SDK1: variants seen among roughly 807,000 people sequenced by gnomAD.
SDK1 encodes protein sidekick-1.
SDK1 carries 157 observed loss-of-function variants against 245.5 expected under a neutral mutation model. The ratio of observed to expected loss-of-function variants is 0.64; its 90% CI spans 0.56 to 0.73. The LOEUF (loss-of-function observed/expected upper bound fraction) is 0.73. SDK1 is among the 30% of genes least tolerant of loss of function. The pLI is 0.00. For synonymous variants in SDK1, 1,647 were observed against 1,278.5 expected, an observed-to-expected ratio of 1.29 and a Z score of -6.15; for missense variants, 3,583 against 3,002.3, an observed-to-expected ratio of 1.19 and a Z score of -4.52.
At chr7:4,003,925 A>T (rs1259374633) in intron 14 of SDK1, among the ~76,000 whole-genome samples, 1 of 152,174 alleles carries the variant, frequency 6.6e-6, no homozygotes, top group Non-Finnish European at 1.5e-5. Flanking sequence ...CTTCTCCTTC[A>T]TCTCTGTGAC....
At chr7:3,358,429 G>GTT (rs10713399) in intron 1 of SDK1, among the ~76,000 whole-genome samples, 11 of 146,022 alleles carry the variant, frequency 7.5e-5, no homozygotes, top group South Asian at 6.5e-4. Context: ...TCATTACAAC[G>GTT]TTTTTTTTTT....
chr7:4,245,760 G>A lies in SDK1; in HGVS notation c.6336G>A (p.Glu2112=), dbSNP rs1786811631. 7 of 1,613,994 alleles carry A rather than the reference G, an allele frequency of 4.3e-6. No individual in the cohort carries two copies. The highest frequency in any genetic ancestry group is 5.1e-6 in the Non-Finnish European group (6 of 1,179,974). ...CNKYNGAVLT[E]SVSLKEKSAD... ...AGTACAACGGCGCCGTGCTGACCGA[G>A]AGCGTGAGCCTCAAGGAGAAGTCGG... Residue 2112 remains glutamate (E), a synonymous_variant, in exon 44 of 45, where the codon GAG becomes GAA. Transcript: ENST00000404826.
chr7:3,538,863 G>A (rs1186133698), intron 1 of SDK1, among the ~76,000 whole-genome samples: 1 of 152,176 alleles, frequency 6.6e-6, no homozygotes, highest in Admixed American at 6.5e-5. Context: ...TGTTCCAAAA[G>A]CACACTTATG....
intron 1 of SDK1, among the ~76,000 whole-genome samples, chr7:3,362,770 TA>T (rs931642468): frequency 5.0e-4 from 76 of 152,332 alleles, no homozygotes; most frequent in African/African-American, 1.8e-3. Flanking sequence ...ATGTACCATG[TA>T]AAAGGTACTT....
In SDK1 at chr7:3,737,231, G is replaced by A. The variant is rs190399603; in HGVS notation, c.714-84219G>A. 1.4e-4 allele frequency among the ~76,000 whole-genome samples: 21 copies of A among 152,348 alleles called. No homozygotes were observed. In the East Asian group the frequency reaches 2.3e-3, roughly 17 times the overall value. ...GCAGGGCCATAGGCTGGGCTCCGCA[G>A]TTGGACCGGACTGCTGTCTGGGCTC... On this transcript the variant is annotated intron_variant, in intron 4 of 44. Coordinates refer to ENST00000404826, the MANE Select transcript of SDK1 (RefSeq NM_152744.4).
intron 1 of SDK1, among the ~76,000 whole-genome samples, chr7:3,409,125 C>G (rs755129002): frequency 2.0e-4 from 31 of 152,102 alleles, no homozygotes; most frequent in Non-Finnish European, 3.4e-4. Flanking sequence ...GAGATAAAAA[C>G]AAAACCAGAT....
intron 1 of SDK1, among the ~76,000 whole-genome samples, chr7:3,556,358 A>G (rs35737398): frequency 0.065 from 9,907 of 152,224 alleles, 437 homozygotes; most frequent in East Asian, 0.19. Flanking sequence ...AAGTAAAACA[A>G]TTGAACTCAT....
intron 1 of SDK1, among the ~76,000 whole-genome samples, chr7:3,310,078 G>A (rs76005647): frequency 0.022 from 3,368 of 152,242 alleles, 138 homozygotes; most frequent in African/African-American, 0.076. Context: ...AAGCTCCCGG[G>A]TACTGTCCTT....
rs146825510 is a variant in SDK1 at position 4,235,686 on chromosome 7, G to A, written c.5993-1961G>A. 1.2e-4 allele frequency among the ~76,000 whole-genome samples: 19 copies of A among 152,300 alleles called. No homozygotes were observed. In the East Asian group the frequency reaches 1.5e-3, roughly 12 times the overall value. On this transcript the variant is annotated intron_variant, in intron 41 of 44. Coordinates refer to ENST00000404826, the MANE Select transcript of SDK1 (RefSeq NM_152744.4). Reference sequence around the variant, plus strand: ...TGCACAGAAAGCCGGTTCCTCATGCGGAACGTGCACTTTGACCCCACTTCC... The same window carrying A: ...TGCACAGAAAGCCGGTTCCTCATGCAGAACGTGCACTTTGACCCCACTTCC...
chr7:3,445,252 T>A (rs10215256), intron 1 of SDK1, among the ~76,000 whole-genome samples: 1 of 151,890 alleles, frequency 6.6e-6, no homozygotes, highest in African/African-American at 2.4e-5. Flanking sequence ...ATAAAACTTA[T>A]ATGCATTTGG....
Position 3,301,279 on chromosome 7 carries a change from G to C in SDK1, c.-308G>C, listed in dbSNP as rs1779242297. On this transcript the variant is annotated 5_prime_UTR_variant, in exon 1 of 45. Transcript: ENST00000404826. ...ACTTTCTTCTCAGCGCCGGGCGGGGGCGGCGGCGGCGGCGGCTCCTCCGCG... is the reference window on the plus strand; with the variant it reads ...ACTTTCTTCTCAGCGCCGGGCGGGGCCGGCGGCGGCGGCGGCTCCTCCGCG... Among the ~76,000 whole-genome samples, 1 of 137,776 alleles carries C rather than the reference G, an allele frequency of 7.3e-6. No homozygotes were observed. Among genetic ancestry groups the C allele is most frequent in the Admixed American group, 6.9e-5 (1 of 14,482 alleles). 90.4% of individuals were successfully genotyped at this position (137,776 alleles called of 152,430 possible).
At chr7:4,132,031 G>A (rs556674675) in intron 27 of SDK1, among the ~76,000 whole-genome samples, 2 of 152,022 alleles carry the variant, frequency 1.3e-5, no homozygotes, top group South Asian at 4.2e-4. Flanking sequence ...TTGTGTCCTG[G>A]TAGGCTGGTT....
intron 1 of SDK1, among the ~76,000 whole-genome samples, chr7:3,369,563 T>C: frequency 6.6e-6 from 1 of 152,230 alleles, no homozygotes; most frequent in East Asian, 1.9e-4. Flanking sequence ...ATAGAGCAGC[T>C]TCCTGAAATC....
At chr7:3,407,137 G>A (rs967526039) in intron 1 of SDK1, among the ~76,000 whole-genome samples, 2 of 152,166 alleles carry the variant, frequency 1.3e-5, no homozygotes, top group Non-Finnish European at 2.9e-5. Context: ...CTGCACTAAT[G>A]ATGCGTGGGG....
intron 4 of SDK1, among the ~76,000 whole-genome samples, chr7:3,655,085 T>G (rs1356223625): frequency 2.0e-5 from 3 of 148,372 alleles, no homozygotes; most frequent in East Asian, 4.0e-4. Flanking sequence ...TGTACCCACA[T>G]TATATTTTGA....
At chr7:3,856,990 A>G (rs1040772979) in intron 5 of SDK1, among the ~76,000 whole-genome samples, 2 of 152,184 alleles carry the variant, frequency 1.3e-5, no homozygotes, top group African/African-American at 4.8e-5. Flanking sequence ...AAGAAATTAC[A>G]AGGCATAATC....
chr7:3,893,736 C>G (rs1781520637), intron 5 of SDK1, among the ~76,000 whole-genome samples: 1 of 151,344 alleles, frequency 6.6e-6, no homozygotes, highest in Non-Finnish European at 1.5e-5. Context: ...AGGATCTGCC[C>G]AGGGTCCCAC....
chr7:4,221,082 T>G (rs1272693546), intron 39 of SDK1, among the ~76,000 whole-genome samples, 157 bp from the exon 40 acceptor site: 1 of 152,066 alleles, frequency 6.6e-6, no homozygotes, highest in Admixed American at 6.5e-5. Context: ...GCCTCCCTGT[T>G]ATTAAGATGA....
intron 1 of SDK1, among the ~76,000 whole-genome samples, chr7:3,370,116 G>C (rs1432145690): frequency 6.6e-6 from 1 of 152,340 alleles, no homozygotes; most frequent in East Asian, 1.9e-4. Context: ...AGACCTGATT[G>C]TGAATGGAAA....
Sources: gnomAD v4.1 joint callset for allele counts (sites outside exome capture counted in the v4.1 genomes callset) on GRCh38, gnomAD v4.1.1 for gene constraint, MANE v1.5 for transcripts, NCBI Gene and HGNC (gene_info 2026-07-23, HGNC 2026-07-21) for gene names.